The following MPP7 variants were observed in gnomAD, a reference collection of about 807,000 sequenced individuals.
MPP7 encodes MAGUK p55 subfamily member 7.
MPP7 carries 60 observed loss-of-function variants against 76.5 expected under a neutral mutation model. The observed-to-expected ratio is 0.78, with a 90% CI of 0.64 to 0.97. MPP7 has a LOEUF of 0.97. MPP7 is among the 50% of genes least tolerant of loss of function. The pLI, the probability that MPP7 is intolerant of heterozygous loss-of-function variation, is 0.00. For synonymous variants in MPP7, 237 were observed against 244.5 expected (o/e 0.97, Z 0.29); for missense variants, 641 against 694.0 (o/e 0.92, Z 0.86).
At chr10:28,184,685 G>T (rs1017280301) in intron 3 of MPP7, among the ~76,000 whole-genome samples, 1 of 148,722 alleles carries the variant, frequency 6.7e-6, no homozygotes, top group African/African-American at 2.4e-5. Context: ...TCCAGCCTGG[G>T]TGATAGAGTG....
chr10:28,124,270 G>A (rs1256432778), intron 7 of MPP7, among the ~76,000 whole-genome samples, 154 bp from the exon 8 acceptor site: 1 of 152,088 alleles, frequency 6.6e-6, no homozygotes, highest in Non-Finnish European at 1.5e-5. Flanking sequence ...CAGCCTCTAT[G>A]CCTCTCCATA....
chr10:28,153,358 G>C (rs1835947120), intron 3 of MPP7, among the ~76,000 whole-genome samples: 1 of 152,160 alleles, frequency 6.6e-6, no homozygotes, highest in Non-Finnish European at 1.5e-5. Context: ...TAGGAGTAAA[G>C]AAGTCTGGAG....
intron 1 of MPP7, among the ~76,000 whole-genome samples, chr10:28,267,939 G>C (rs1840197953): frequency 6.6e-6 from 1 of 152,078 alleles, no homozygotes; most frequent in African/African-American, 2.4e-5. Flanking sequence ...GGGAGGCTAA[G>C]GTGGGAGGAT....
chr10:28,204,335 C>T (rs1276436795), intron 2 of MPP7, among the ~76,000 whole-genome samples: 1 of 149,974 alleles, frequency 6.7e-6, no homozygotes, highest in Non-Finnish European at 1.5e-5. Context: ...TTCAGCTACT[C>T]GGGAGGCTGA....
At chr10:28,236,387 C>G (rs1024903755) in intron 2 of MPP7, among the ~76,000 whole-genome samples, 1 of 151,856 alleles carries the variant, frequency 6.6e-6, no homozygotes, top group Non-Finnish European at 1.5e-5. Context: ...ATATTTAACA[C>G]GGAAATATCT....
intron 1 of MPP7, among the ~76,000 whole-genome samples, chr10:28,251,263 G>A (rs1488926208): frequency 6.6e-6 from 1 of 152,080 alleles, no homozygotes; most frequent in East Asian, 1.9e-4. Context: ...TCAGGAGTTT[G>A]AGACCAGCCT....
intron 3 of MPP7, among the ~76,000 whole-genome samples, chr10:28,181,802 T>C (rs1259475158): frequency 2.6e-5 from 4 of 152,204 alleles, no homozygotes; most frequent in Non-Finnish European, 4.4e-5. Context: ...TATAGATGCT[T>C]ACAACCAAAT....
At chr10:28,303,228 A>C (rs115997243), upstream of MPP7, 1,160 of 152,348 alleles carry the variant, frequency 7.6e-3, 16 homozygotes, top group African/African-American at 0.026. Context: ...GCAAGAGAAA[A>C]CAAAGCTGGG....
At chr10:28,299,500 C>A (rs1163009383) in intron 1 of MPP7, among the ~76,000 whole-genome samples, 2 of 152,064 alleles carry the variant, frequency 1.3e-5, no homozygotes, top group African/African-American at 4.8e-5. Context: ...AGATCACTGA[C>A]CAGAGATCAC....
At chr10:28,228,535 G>A (rs1340100156) in intron 2 of MPP7, among the ~76,000 whole-genome samples, 1 of 152,178 alleles carries the variant, frequency 6.6e-6, no homozygotes, top group African/African-American at 2.4e-5. Context: ...GGAGGCCAAG[G>A]TGGGCAAATC....
chr10:28,268,293 AAAG>A (rs201282095), intron 1 of MPP7, among the ~76,000 whole-genome samples: 1,944 of 152,340 alleles, frequency 0.013, 25 homozygotes, highest in South Asian at 0.029. Flanking sequence ...AATATGTTCT[AAAG>A]AAGATGTGGC....
At chr10:28,229,888 CAA>C (rs765093878) in intron 2 of MPP7, among the ~76,000 whole-genome samples, 2 of 101,380 alleles carry the variant, frequency 2.0e-5, no homozygotes. Context: ...GACTCCGTCT[CAA>C]AAAAAAAAAA....
chr10:28,086,092 G>C lies in MPP7; in HGVS notation c.1123+3579C>G, dbSNP rs149956925. Among the ~76,000 whole-genome samples the C allele has an allele frequency of 5.0e-3, 764 of 152,230 alleles. 2 individuals carry two copies. Among genetic ancestry groups the C allele is most frequent in the African/African-American group, 0.017 (706 of 41,530 alleles). ...CTTATAAGTGGAAGTTGAACAATGA[G>C]AACACATGGACACAGAGAGGGGAAC... On this transcript the variant is annotated intron_variant, in intron 12 of 16. Coordinates refer to ENST00000683449, the MANE Select transcript of MPP7 (RefSeq NM_001318170.2).
At chr10:28,147,687 C>A in intron 4 of MPP7, 124 bp from the exon 5 acceptor site, 2 of 799,810 alleles carry the variant, frequency 2.5e-6, no homozygotes, top group Admixed American at 2.1e-5. Context: ...GAGAGGTCAG[C>A]ATAAAAGAAA....
intron 13 of MPP7, among the ~76,000 whole-genome samples, chr10:28,062,949 T>C (rs537901778): frequency 6.6e-6 from 1 of 151,972 alleles, no homozygotes; most frequent in African/African-American, 2.4e-5. Flanking sequence ...AACTTTTACA[T>C]AGAACAGAAA....
chr10:28,058,561 T>A lies in MPP7; in HGVS notation c.1341A>T (p.Thr447=). The A allele has an allele frequency of 1.2e-6, 2 of 1,604,152 alleles. No homozygotes were observed. Among genetic ancestry groups the A allele is most frequent in the Non-Finnish European group, 1.7e-6 (2 of 1,174,732 alleles). The part of the protein sequence containing the change: ...YGEYKNNYYG[T]SIDSVRSVLA... ...GGACAGACCGAACTGAGTCTATACT[T>A]GTGCCGTAGTAGTTGTTTTTATATT... The change falls in exon 15 of 17, where the codon ACA becomes ACT. Residue 447 remains threonine, a synonymous_variant. Transcript: ENST00000683449.
chr10:28,147,796 G>A lies in MPP7; in HGVS notation c.235-233C>T, dbSNP rs538794535. On this transcript the variant is annotated intron_variant, in intron 4 of 16. Transcript: ENST00000683449. ...ACAAATCAAGTAATCGTATCAGCCA[G>A]ATCACCTTCTGATTTATTGCAAGGA... Among the ~76,000 whole-genome samples the A allele has an allele frequency of 3.3e-5, 5 of 152,298 alleles. No individual in the cohort carries two copies. In the South Asian group the frequency reaches 8.3e-4, roughly 25 times the overall value.
rs1192149562 is a variant in MPP7 at position 28,313,853 on chromosome 10, A to ATTTTTTTTTTTTTTTTTTTTTTTTT, written c.-132+16075_-132+16076insAAAAAAAAAAAAAAAAAAAAAAAAA. 6.1e-5 allele frequency among the ~76,000 whole-genome samples: 2 copies of ATTTTTTTTTTTTTTTTTTTTTTTTT among 32,676 alleles called. 1 individual carries two copies. Among genetic ancestry groups the ATTTTTTTTTTTTTTTTTTTTTTTTT allele is most frequent in the Non-Finnish European group, 1.1e-4 (2 of 18,990 alleles). The allele number at this position is 32,676 out of a possible 152,430, so 21.4% of individuals were successfully genotyped here. A position where few individuals can be genotyped will look rare whatever the true frequency, so the allele number is the denominator to read the frequency against. Reference sequence around the variant, plus strand: ...AGGTGTGTGCCACTATACCTGGCTAATTTTTTTTTTTTTATTTTTTTTATT... The same window carrying ATTTTTTTTTTTTTTTTTTTTTTTTT: ...AGGTGTGTGCCACTATACCTGGCTAATTTTTTTTTTTTTTTTTTTTTTTTTTTTTTTTTTTTTTATTTTTTTTATT... On this transcript the variant is annotated intron_variant, in intron 2 of 11. Coordinates refer to the MPP7 transcript ENST00000441595.
chr10:28,283,926 T>C (rs1840738409), intron 1 of MPP7, among the ~76,000 whole-genome samples: 1 of 152,182 alleles, frequency 6.6e-6, no homozygotes, highest in Admixed American at 6.5e-5. Flanking sequence ...TTTAGCTCCA[T>C]ATGCAAAAAT....
Sources: allele counts gnomAD v4.1 joint callset (sites outside exome capture counted in the v4.1 genomes callset), GRCh38; gene constraint gnomAD v4.1.1; transcripts MANE v1.5; gene names NCBI Gene and HGNC (gene_info 2026-07-23, HGNC 2026-07-21).